The following NSF variants were observed in gnomAD, a reference collection of about 807,000 sequenced individuals.
NSF encodes N-ethylmaleimide sensitive factor, vesicle fusing ATPase, also known as vesicle-fusing ATPase.
A neutral mutation model predicts 50.3 loss-of-function variants in NSF; 14 were observed. The observed-to-expected ratio is 0.28, with a 90% CI of 0.18 to 0.44. The LOEUF is 0.44. Among genes scored for constraint, NSF ranks in the 20% least tolerant of loss-of-function variants. The pLI is 1.00. For synonymous variants in NSF, 109 were observed against 175.7 expected (o/e 0.62, Z 3.00); for missense variants, 218 against 504.3 (o/e 0.43, Z 5.44).
intron 20 of NSF, 184 bp downstream of exon 20, chr17:46,755,553 C>A: frequency 1.5e-6 from 1 of 689,300 alleles, no homozygotes. Context: ...TCTCCCTGTC[C>A]TGCTTCGCAA....
intron 15 of NSF, among the ~76,000 whole-genome samples, chr17:46,718,616 C>T (rs1365036374): frequency 2.0e-5 from 3 of 152,194 alleles, no homozygotes; most frequent in Admixed American, 6.5e-5. Context: ...TTTTTCTTCA[C>T]TAGAGTAGTA....
In NSF at chr17:46,749,749, A is replaced by C. The variant is rs779369640; in HGVS notation, c.1909-24A>C. 2.5e-6 allele frequency: 4 copies of C among 1,602,504 alleles called. No homozygotes were observed. The South Asian group carries it at 4.5e-5, about 18-fold the overall frequency. On this transcript the variant is annotated intron_variant, in intron 17 of 20. Coordinates refer to ENST00000398238, the MANE Select transcript of NSF (RefSeq NM_006178.4). ...TAATTAGTCTTATTATGTACATTTT[A>C]ACACATTTTCTCCCTATGATCAGGG...
intron 1 of NSF, among the ~76,000 whole-genome samples, chr17:46,595,519 C>T (rs1388087148): frequency 1.6e-5 from 2 of 122,378 alleles, no homozygotes; most frequent in African/African-American, 4.4e-5. Flanking sequence ...GAGACGGAGT[C>T]TTGCTCCGTC....
intron 15 of NSF, chr17:46,722,237 A>C (rs1030566110): frequency 2.4e-6 from 3 of 1,231,502 alleles, no homozygotes; most frequent in Non-Finnish European, 2.4e-6. Context: ...GCACGTCAAA[A>C]TCCCTACATT....
chr17:46,685,098 A>T (rs2058484328), intron 9 of NSF, among the ~76,000 whole-genome samples: 1 of 131,688 alleles, frequency 7.6e-6, no homozygotes, highest in African/African-American at 2.9e-5. Context: ...AAACTCAGAA[A>T]CTGAGATTGG....
chr17:46,648,481 CA>C (rs1301201975), intron 8 of NSF, among the ~76,000 whole-genome samples: 1 of 125,508 alleles, frequency 8.0e-6, no homozygotes, highest in Non-Finnish European at 1.5e-5. Flanking sequence ...CATTTATAGA[CA>C]GACTTTAAGA....
intron 17 of NSF, among the ~76,000 whole-genome samples, chr17:46,742,305 A>G (rs1277402655): frequency 1.3e-5 from 2 of 152,174 alleles, no homozygotes; most frequent in Non-Finnish European, 2.9e-5. Flanking sequence ...ACTTAATATA[A>G]TGTGCATTTT....
intron 17 of NSF, among the ~76,000 whole-genome samples, chr17:46,739,467 A>T (rs1381311211): frequency 6.7e-6 from 1 of 149,430 alleles, no homozygotes; most frequent in Non-Finnish European, 1.5e-5. Context: ...TGAGCCCAGG[A>T]GGTCGAGGCT....
intron 15 of NSF, chr17:46,721,716 T>C: frequency 6.2e-7 from 1 of 1,606,638 alleles, no homozygotes; most frequent in South Asian, 1.1e-5. Context: ...ATGAGCCGGC[T>C]GCTATCTAGT....
At chr17:46,739,945 C>T (rs951870651) in intron 17 of NSF, among the ~76,000 whole-genome samples, 2 of 152,140 alleles carry the variant, frequency 1.3e-5, no homozygotes, top group Non-Finnish European at 2.9e-5. Context: ...AGTGATCCGC[C>T]CTCCTCAGCC....
At chr17:46,711,299 T>TA in intron 14 of NSF, among the ~76,000 whole-genome samples, 180 bp downstream of exon 14, 1 of 152,348 alleles carries the variant, frequency 6.6e-6, no homozygotes, top group African/African-American at 2.4e-5. Flanking sequence ...TTTCTTGGGG[T>TA]AGAATGTTAG....
intron 1 of NSF, among the ~76,000 whole-genome samples, chr17:46,592,912 A>T (rs2057853785): frequency 1.5e-5 from 2 of 136,758 alleles, no homozygotes; most frequent in African/African-American, 2.7e-5. Context: ...AGGGAGGGAG[A>T]GGGTGGGTAA....
chr17:46,685,446 A>G (rs1471693558), intron 9 of NSF, among the ~76,000 whole-genome samples: 8 of 151,924 alleles, frequency 5.3e-5, no homozygotes, highest in Non-Finnish European at 8.8e-5. Flanking sequence ...TCACTTCTGT[A>G]ATTTTGGACA....
At chr17:46,733,243 T>G (rs1413778543) in intron 17 of NSF, among the ~76,000 whole-genome samples, 2 of 152,152 alleles carry the variant, frequency 1.3e-5, no homozygotes, top group Non-Finnish European at 2.9e-5. Context: ...GCCTTGGTCT[T>G]AATGTCAAGG....
At chr17:46,740,662 CTT>C (rs36000135) in intron 17 of NSF, among the ~76,000 whole-genome samples, 38 of 137,004 alleles carry the variant, frequency 2.8e-4, no homozygotes, top group Non-Finnish European at 2.9e-4. Context: ...TTATCTTTTT[CTT>C]TTTTTTTTTT....
chr17:46,699,216 GAC>G (rs2058616485), intron 12 of NSF, among the ~76,000 whole-genome samples: 1 of 109,754 alleles, frequency 9.1e-6, no homozygotes, highest in African/African-American at 3.5e-5. Flanking sequence ...GGTTTTCTGA[GAC>G]AAGTGGAAAA....
chr17:46,708,348 A>G (rs1282957290), intron 13 of NSF, among the ~76,000 whole-genome samples: 1 of 152,166 alleles, frequency 6.6e-6, no homozygotes, highest in Non-Finnish European at 1.5e-5. Flanking sequence ...CATGCTCACC[A>G]ACAAATTATT....
intron 15 of NSF, chr17:46,722,071 C>T: frequency 2.5e-6 from 4 of 1,610,858 alleles, no homozygotes; most frequent in Non-Finnish European, 3.4e-6. Context: ...GGTCCGAGTT[C>T]ATCTCCAGCT....
chr17:46,699,402 G>GACACACAC (rs4061825), intron 12 of NSF, among the ~76,000 whole-genome samples: 221 of 148,268 alleles, frequency 1.5e-3, no homozygotes, highest in Non-Finnish European at 2.4e-3. Context: ...ATAAACTGAG[G>GACACACAC]ACACACACAC....
Sources: allele counts gnomAD v4.1 joint callset (sites outside exome capture counted in the v4.1 genomes callset), GRCh38; gene constraint gnomAD v4.1.1; transcripts MANE v1.5; gene names NCBI Gene and HGNC (gene_info 2026-07-23, HGNC 2026-07-21).